RALYL: variants seen among roughly 807,000 people sequenced by gnomAD.
RALYL encodes RNA-binding Raly-like protein.
A neutral mutation model predicts 35.1 loss-of-function variants in RALYL; 29 were observed. The ratio of observed to expected loss-of-function variants is 0.83; its 90% confidence interval spans 0.61 to 1.13. RALYL has a LOEUF of 1.13. Ranked by LOEUF, RALYL falls within the 50% of genes most tolerant of loss-of-function variation. The pLI, the probability that RALYL is intolerant of heterozygous loss-of-function variation, is 0.00. For missense variants in RALYL, 359 were observed against 360.4 expected (o/e 1.00, Z 0.03); for synonymous variants, 120 against 127.6 (o/e 0.94, Z 0.40).
intron 2 of RALYL, among the ~76,000 whole-genome samples, chr8:84,621,569 C>G (rs545736132): frequency 1.3e-5 from 2 of 150,678 alleles, no homozygotes; most frequent in African/African-American, 2.5e-5. Context: ...GCGTCGCTCA[C>G]GCTGGGAGCT....
intron 3 of RALYL, among the ~76,000 whole-genome samples, chr8:84,787,635 C>T (rs1819851049): frequency 6.6e-6 from 1 of 152,178 alleles, no homozygotes. Flanking sequence ...TACACTCCCA[C>T]CAACAGTGTA....
chr8:84,788,963 G>T (rs1192244240), intron 3 of RALYL, among the ~76,000 whole-genome samples: 2 of 152,222 alleles, frequency 1.3e-5, no homozygotes, highest in Non-Finnish European at 2.9e-5. Flanking sequence ...AGACAATTGT[G>T]CCTGCCTAAT....
At position 84,774,658 on chromosome 8, in the gene RALYL, A is replaced by T. The variant is rs1816400275; in HGVS notation, c.332+4A>T. The T allele has an allele frequency of 6.3e-7, 1 of 1,599,866 alleles. No homozygotes were observed. The highest frequency in any genetic ancestry group is 1.3e-5 in the African/African-American group (1 of 74,738). On this transcript the variant is annotated splice_donor_region_variant and intron_variant, in intron 3 of 8. Coordinates refer to ENST00000521268, the MANE Select transcript of RALYL (RefSeq NM_173848.7). ...GGCCCCTTTCTGCACTTTACAGGTA[A>T]GTAGATAAGCACTGTTTTACTCTAT...
At chr8:84,533,966 T>C (rs2059434891) in intron 2 of RALYL, among the ~76,000 whole-genome samples, 1 of 152,252 alleles carries the variant, frequency 6.6e-6, no homozygotes, top group Admixed American at 6.5e-5. Flanking sequence ...CATCCCCAAC[T>C]GTTTTGCATC....
intron 7 of RALYL, among the ~76,000 whole-genome samples, chr8:84,882,544 T>C (rs182072241): frequency 1.1e-4 from 17 of 152,176 alleles, no homozygotes; most frequent in African/African-American, 4.1e-4. Flanking sequence ...CAACTGTCAC[T>C]TTAACTGAAA....
At chr8:84,500,573 G>GAT (rs1290381230) in intron 1 of RALYL, among the ~76,000 whole-genome samples, 5 of 152,084 alleles carry the variant, frequency 3.3e-5, no homozygotes, top group African/African-American at 1.2e-4. Context: ...TCTCCAGTCT[G>GAT]ATACTAATTT....
chr8:84,398,698 G>C (rs1454491101), intron 1 of RALYL, among the ~76,000 whole-genome samples: 1 of 152,188 alleles, frequency 6.6e-6, no homozygotes, highest in Non-Finnish European at 1.5e-5. Context: ...ATCCAGGCCA[G>C]TGCAGTGGCT....
At chr8:84,195,780 A>G (rs1478267197) in intron 1 of RALYL, among the ~76,000 whole-genome samples, 2 of 152,196 alleles carry the variant, frequency 1.3e-5, no homozygotes, top group East Asian at 3.9e-4. Flanking sequence ...AAGTGAGAGG[A>G]ACAACAGCAA....
chr8:84,315,829 A>AG (rs1269109338), intron 1 of RALYL, among the ~76,000 whole-genome samples: 2 of 152,038 alleles, frequency 1.3e-5, no homozygotes, highest in African/African-American at 4.8e-5. Context: ...AAAAAAAAAA[A>AG]AAACTTTCTG....
intron 1 of RALYL, among the ~76,000 whole-genome samples, chr8:84,239,031 T>C (rs569227645): frequency 3.3e-5 from 5 of 152,308 alleles, no homozygotes; most frequent in African/African-American, 1.2e-4. Context: ...TTAGGCACCA[T>C]AATGACCTGA....
chr8:84,687,733 T>C (rs1837121425), intron 2 of RALYL, among the ~76,000 whole-genome samples: 1 of 152,122 alleles, frequency 6.6e-6, no homozygotes, highest in Non-Finnish European at 1.5e-5. Context: ...GAAACTTCTT[T>C]TATTTTCTGC....
At chr8:84,892,966 T>C (rs1189967965) in intron 8 of RALYL, among the ~76,000 whole-genome samples, 1 of 152,190 alleles carries the variant, frequency 6.6e-6, no homozygotes, top group East Asian at 1.9e-4. Flanking sequence ...CACTAGCAAG[T>C]ATTCACTGAT....
At chr8:84,624,688 A>G (rs1822338003) in intron 2 of RALYL, among the ~76,000 whole-genome samples, 1 of 152,192 alleles carries the variant, frequency 6.6e-6, no homozygotes, top group Admixed American at 6.5e-5. Flanking sequence ...GTCTACAAGG[A>G]TTAGGACATG....
At chr8:84,493,312 A>T (rs2055563753) in intron 1 of RALYL, among the ~76,000 whole-genome samples, 1 of 152,124 alleles carries the variant, frequency 6.6e-6, no homozygotes, top group Non-Finnish European at 1.5e-5. Flanking sequence ...TATCCAGTCT[A>T]TTATTGATGG....
intron 3 of RALYL, among the ~76,000 whole-genome samples, chr8:84,785,126 T>A (rs1819085847): frequency 6.6e-6 from 1 of 152,200 alleles, no homozygotes; most frequent in East Asian, 1.9e-4. Flanking sequence ...GGGTGCTTTT[T>A]GTTTTTTATA....
At chr8:84,351,810 C>T (rs938428534) in intron 1 of RALYL, among the ~76,000 whole-genome samples, 2 of 150,040 alleles carry the variant, frequency 1.3e-5, no homozygotes, top group South Asian at 2.1e-4. Context: ...TAGAAATATG[C>T]GTTGTGCTTA....
intron 2 of RALYL, among the ~76,000 whole-genome samples, chr8:84,756,117 A>T (rs189189365): frequency 7.0e-4 from 107 of 152,206 alleles, no homozygotes; most frequent in Non-Finnish European, 1.2e-3. Flanking sequence ...TGTCTGTACC[A>T]ATATACCATG....
rs1741841990 is a variant in RALYL, at chr8:84,921,469, G to A, written c.*558G>A. 2 of 152,070 alleles carry A rather than the reference G, an allele frequency of 1.3e-5. No homozygotes were observed. The highest frequency in any genetic ancestry group is 1.3e-4 in the Admixed American group (2 of 15,264). 9.4% of individuals were successfully genotyped at this position (152,070 alleles called of 1,614,324 possible). On this transcript the variant is annotated 3_prime_UTR_variant, in exon 9 of 9. Transcript: ENST00000521268. Reference sequence around the variant, plus strand: ...AGCACCCTTTTTATTAATAAAGAATGCAGATATTTCAGATGTGATATAATA... The same window carrying A: ...AGCACCCTTTTTATTAATAAAGAATACAGATATTTCAGATGTGATATAATA...
chr8:84,787,042 G>A (rs1158330490), intron 3 of RALYL, among the ~76,000 whole-genome samples: 2 of 152,130 alleles, frequency 1.3e-5, no homozygotes, highest in African/African-American at 4.8e-5. Flanking sequence ...CAAGTTCTGT[G>A]ATACATGTGC....
Sources: allele counts gnomAD v4.1 joint callset (sites outside exome capture counted in the v4.1 genomes callset), GRCh38; gene constraint gnomAD v4.1.1; transcripts MANE v1.5; gene names NCBI Gene and HGNC (gene_info 2026-07-23, HGNC 2026-07-21).